ADAMTS3: variants seen among roughly 807,000 people sequenced by gnomAD.
The protein encoded by ADAMTS3 is ADAM metallopeptidase with thrombospondin type 1 motif 3.
Under a neutral mutation model 129.0 loss-of-function variants are expected in ADAMTS3, and 73 were observed. That is an observed-to-expected ratio of 0.57 (90% CI 0.47 to 0.69). The LOEUF is 0.69. ADAMTS3 is among the 30% of genes least tolerant of loss of function. ADAMTS3 has a pLI of 0.00. For missense variants in ADAMTS3, 1,457 were observed against 1,514.5 expected (o/e 0.96, Z 0.63); for synonymous variants, 477 against 510.8 (o/e 0.93, Z 0.89).
intron 3 of ADAMTS3, among the ~76,000 whole-genome samples, chr4:72,419,676 G>A (rs1281131520): frequency 6.6e-6 from 1 of 152,094 alleles, no homozygotes; most frequent in Non-Finnish European, 1.5e-5. Flanking sequence ...TGTGGCCCCA[G>A]ACAATTCTTC....
chr4:72,295,265 A>G (rs1718775799), intron 19 of ADAMTS3, among the ~76,000 whole-genome samples: 1 of 151,978 alleles, frequency 6.6e-6, no homozygotes. Context: ...GCAGGGAAGG[A>G]GAAAGTGTGG....
At chr4:72,433,869 G>C (rs1333810610) in intron 3 of ADAMTS3, among the ~76,000 whole-genome samples, 1 of 151,604 alleles carries the variant, frequency 6.6e-6, no homozygotes, top group East Asian at 2.0e-4. Context: ...TTTATCACAG[G>C]GATGTGAGTT....
intron 4 of ADAMTS3, among the ~76,000 whole-genome samples, chr4:72,412,181 T>C (rs1003885092): frequency 6.6e-6 from 1 of 152,080 alleles, no homozygotes. Flanking sequence ...ATGGAGACCA[T>C]GGTTCTCAAA....
intron 3 of ADAMTS3, among the ~76,000 whole-genome samples, chr4:72,534,740 T>C (rs1395147343): frequency 6.6e-6 from 1 of 152,160 alleles, no homozygotes; most frequent in Non-Finnish European, 1.5e-5. Context: ...AGTAGCAACA[T>C]AGTGCCATGA....
chr4:72,355,377 G>A (rs1720557491), intron 4 of ADAMTS3, among the ~76,000 whole-genome samples: 1 of 151,900 alleles, frequency 6.6e-6, no homozygotes, highest in Non-Finnish European at 1.5e-5. Flanking sequence ...GTGCTCAAAG[G>A]TAAATTCATG....
At chr4:72,370,453 C>T (rs544576371) in intron 4 of ADAMTS3, among the ~76,000 whole-genome samples, 20 of 152,226 alleles carry the variant, frequency 1.3e-4, no homozygotes, top group Middle Eastern at 3.4e-3. Flanking sequence ...ATTATATCTG[C>T]GCTGCCATTT....
At chr4:72,389,903 T>C (rs10008122) in intron 4 of ADAMTS3, among the ~76,000 whole-genome samples, 100,680 of 151,892 alleles carry the variant, frequency 0.66, 38,120 homozygotes, top group Middle Eastern at 0.88. Context: ...AATTCACTTA[T>C]ATTTTTCTAA....
intron 5 of ADAMTS3, among the ~76,000 whole-genome samples, chr4:72,336,774 G>A (rs2109828652): frequency 6.6e-6 from 1 of 152,126 alleles, no homozygotes; most frequent in African/African-American, 2.4e-5. Context: ...TGCTGTGTAG[G>A]GCTGTCTGTT....
chr4:72,446,624 G>A (rs559472825), intron 3 of ADAMTS3, among the ~76,000 whole-genome samples: 1 of 151,768 alleles, frequency 6.6e-6, no homozygotes, highest in South Asian at 2.1e-4. Context: ...CTTCAAATAT[G>A]TGAAAGTCTT....
intron 3 of ADAMTS3, among the ~76,000 whole-genome samples, chr4:72,547,165 C>G (rs991165016): frequency 6.6e-6 from 1 of 152,002 alleles, no homozygotes; most frequent in Admixed American, 6.6e-5. Flanking sequence ...AAAGTGGGGA[C>G]GATTCTATGA....
chr4:72,507,055 A>G (rs745510908), intron 3 of ADAMTS3, among the ~76,000 whole-genome samples: 3 of 152,246 alleles, frequency 2.0e-5, no homozygotes, highest in Non-Finnish European at 4.4e-5. Context: ...GAATGAAGGA[A>G]AAAGTGGCAG....
intron 3 of ADAMTS3, among the ~76,000 whole-genome samples, chr4:72,543,786 G>T (rs1335928317): frequency 1.3e-5 from 2 of 152,060 alleles, no homozygotes; most frequent in Admixed American, 6.5e-5. Context: ...TCTGGAGATG[G>T]ATGGTAGTGA....
intron 3 of ADAMTS3, among the ~76,000 whole-genome samples, chr4:72,466,367 C>A (rs1026080270): frequency 6.6e-6 from 1 of 151,974 alleles, no homozygotes; most frequent in Non-Finnish European, 1.5e-5. Context: ...GCAAGAAAGA[C>A]CACTGGATAG....
chr4:72,477,635 GAA>G (rs1719279122), intron 3 of ADAMTS3, among the ~76,000 whole-genome samples: 1 of 152,096 alleles, frequency 6.6e-6, no homozygotes, highest in African/African-American at 2.4e-5. Flanking sequence ...AAAAGATCTA[GAA>G]AAGCAAGAGC....
At chr4:72,438,324 G>A (rs1489524084) in intron 3 of ADAMTS3, among the ~76,000 whole-genome samples, 1 of 151,622 alleles carries the variant, frequency 6.6e-6, no homozygotes, top group African/African-American at 2.4e-5. Context: ...AAGAGCTTTT[G>A]TTCATGTAGG....
chr4:72,380,323 T>C (rs577302556), intron 4 of ADAMTS3, among the ~76,000 whole-genome samples: 1 of 152,228 alleles, frequency 6.6e-6, no homozygotes, highest in South Asian at 2.1e-4. Flanking sequence ...TATTGAGCCA[T>C]GCACAGAAAG....
chr4:72,563,510 C>G (rs1721953858), intron 2 of ADAMTS3, among the ~76,000 whole-genome samples: 1 of 152,130 alleles, frequency 6.6e-6, no homozygotes, highest in East Asian at 1.9e-4. Context: ...GTTAAAAAAA[C>G]AAAAAATTAG....
chr4:72,558,527 C>T (rs1721822600), intron 2 of ADAMTS3, among the ~76,000 whole-genome samples: 1 of 151,642 alleles, frequency 6.6e-6, no homozygotes, highest in Non-Finnish European at 1.5e-5. Context: ...TGATTGTCAA[C>T]CTCAATTCCA....
At chr4:72,488,541 C>T (rs1232839119) in intron 3 of ADAMTS3, among the ~76,000 whole-genome samples, 1 of 151,918 alleles carries the variant, frequency 6.6e-6, no homozygotes, top group African/African-American at 2.4e-5. Flanking sequence ...CTAACCTAAT[C>T]CAACCTACAG....
Sources: allele counts gnomAD v4.1 joint callset (sites outside exome capture counted in the v4.1 genomes callset), GRCh38; gene constraint gnomAD v4.1.1; transcripts MANE v1.5; gene names NCBI Gene and HGNC (gene_info 2026-07-23, HGNC 2026-07-21).